Variants in NRK observed in about 807,000 individuals in gnomAD.
The protein encoded by NRK is nik-related protein kinase.
In NRK, 67 loss-of-function variants were observed where a neutral mutation model predicts 125.2. The ratio of observed to expected loss-of-function variants is 0.54; its 90% CI spans 0.44 to 0.66. NRK has a LOEUF of 0.66. Ranked by LOEUF, NRK falls within the 30% of genes least tolerant of loss-of-function variation. NRK has a pLI of 0.00. For missense variants in NRK, 1,224 were observed against 1,192.9 expected (o/e 1.03, Z -0.38); for synonymous variants, 458 against 429.0 (o/e 1.07, Z -0.84).
chrX:105,947,552 T>C (rs940435985), intron 26 of NRK, among the ~76,000 whole-genome samples: 3 of 110,913 alleles, frequency 2.7e-5, no homozygotes, highest in Non-Finnish European at 5.7e-5. Context: ...CATAATGTAA[T>C]ATCCCTCACA....
At chrX:105,861,975 A>C (rs1439771201) in intron 2 of NRK, among the ~76,000 whole-genome samples, 2 of 111,869 alleles carry the variant, frequency 1.8e-5, no homozygotes, top group Non-Finnish European at 3.8e-5. Flanking sequence ...AGACGGGAGA[A>C]TCACTTGAAC....
chrX:105,949,664 C>T lies in NRK; in HGVS notation c.4443C>T (p.Leu1481=). 1 of 1,200,384 alleles carries T rather than the reference C, an allele frequency of 8.3e-7. No individual in the cohort carries two copies. The highest frequency in any genetic ancestry group is 1.8e-5 in the South Asian group (1 of 56,521). ...GMMLTFNAEA[L]SVEANEQLFK... is the part of the protein sequence containing the mutation. Reference sequence around the variant, plus strand: ...TGCTCACCTTCAATGCTGAAGCCCTCTCTGTGGAAGCAAATGAACAACTCT... The same window carrying T: ...TGCTCACCTTCAATGCTGAAGCCCTTTCTGTGGAAGCAAATGAACAACTCT... Residue 1481 remains leucine (L), a synonymous_variant, in exon 27 of 29, where the codon CTC becomes CTT. Coordinates refer to ENST00000243300, the MANE Select transcript of NRK (RefSeq NM_198465.4).
intron 5 of NRK, among the ~76,000 whole-genome samples, chrX:105,888,623 C>G (rs1170328217): frequency 9.0e-6 from 1 of 111,003 alleles, no homozygotes; most frequent in Non-Finnish European, 1.9e-5. Flanking sequence ...ATACCCGAGA[C>G]TAGGTAATTT....
At chrX:105,891,402 T>A (rs769482981) in intron 5 of NRK, among the ~76,000 whole-genome samples, 61 of 112,340 alleles carry the variant, frequency 5.4e-4, no homozygotes, top group African/African-American at 2.0e-3. Flanking sequence ...TAGTATACAC[T>A]TGAATCTCTA....
chrX:105,918,120 C>T (rs1410158283), intron 16 of NRK, among the ~76,000 whole-genome samples: 1 of 111,102 alleles, frequency 9.0e-6, no homozygotes, highest in Non-Finnish European at 1.9e-5. Flanking sequence ...TGATAAATAT[C>T]CCTAAATGTT....
Position 105,956,878 on chromosome X carries a change from T to C in NRK, c.*1278T>C, listed in dbSNP as rs2147809647. The C allele has an allele frequency of 8.9e-6, 1 of 111,782 alleles. No individual in the cohort carries two copies. Among genetic ancestry groups the C allele is most frequent in the East Asian group, 2.8e-4 (1 of 3,542 alleles). The allele number at this position is 111,782 out of a possible 1,213,427, so 9.2% of individuals were successfully genotyped here. A position where few individuals can be genotyped will look rare whatever the true frequency, so the allele number is the denominator to read the frequency against. ...TTCTGCATATCCATCCTCAATACCA[T>C]GGTAAATTCTGGGGCAATAGAGAAG... On this transcript the variant is annotated 3_prime_UTR_variant, in exon 29 of 29. Transcript: ENST00000243300.
intron 3 of NRK, among the ~76,000 whole-genome samples, chrX:105,880,712 A>G (rs893552270): frequency 9.0e-6 from 1 of 111,254 alleles, no homozygotes; most frequent in Non-Finnish European, 1.9e-5. Flanking sequence ...AGAAATGCAC[A>G]TTTTTCATGT....
intron 2 of NRK, among the ~76,000 whole-genome samples, chrX:105,849,037 C>T (rs1414982649): frequency 1.8e-5 from 2 of 111,707 alleles, no homozygotes; most frequent in African/African-American, 6.5e-5. Flanking sequence ...TGTATTGTGC[C>T]TTATGCGGCC....
chrX:105,881,572 A>C lies in NRK; in HGVS notation c.181-136A>C, dbSNP rs190481919. On this transcript the variant is annotated intron_variant, in intron 3 of 28. Transcript: ENST00000243300. ...TAAGAATTTGGTTTTTTAAATTAAA[A>C]CTATTGGAGAAAATTGAGAGAGGAA... 785 of 379,384 alleles carry C rather than the reference A, an allele frequency of 2.1e-3. 6 individuals are homozygous for C. In the Middle Eastern group the frequency reaches 0.034, roughly 16 times the overall value. The allele number at this position is 379,384 out of a possible 1,213,427, so 31.3% of individuals were successfully genotyped here.
chrX:105,914,193 A>G (rs898972618), intron 14 of NRK, among the ~76,000 whole-genome samples: 1 of 110,769 alleles, frequency 9.0e-6, no homozygotes, highest in African/African-American at 3.3e-5. Flanking sequence ...TCTTTTATGG[A>G]CAACTCTCAT....
chrX:105,950,691 G>A (rs998949268), intron 27 of NRK, among the ~76,000 whole-genome samples: 1 of 109,550 alleles, frequency 9.1e-6, no homozygotes, highest in African/African-American at 3.3e-5. Context: ...TAGGTTAAGT[G>A]GCAGATGTAG....
chrX:105,880,272 C>T lies in NRK; in HGVS notation c.180+17C>T. The T allele has an allele frequency of 2.3e-6, 2 of 878,775 alleles. No homozygotes were observed. The highest frequency in any genetic ancestry group is 3.1e-6 in the Non-Finnish European group (2 of 642,282). The allele number at this position is 878,775 out of a possible 1,213,427, so 72.4% of individuals were successfully genotyped here. A position where few individuals can be genotyped will look rare whatever the true frequency, so the allele number is the denominator to read the frequency against. ...GCTCGTAAGGTAATATTATAAATTGCCTGTATTCTCTTCCCTTAGTGGACT... is the reference window on the plus strand; with the variant it reads ...GCTCGTAAGGTAATATTATAAATTGTCTGTATTCTCTTCCCTTAGTGGACT... On this transcript the variant is annotated intron_variant, in intron 3 of 28. Coordinates refer to ENST00000243300, the MANE Select transcript of NRK (RefSeq NM_198465.4).
chrX:105,890,052 AC>A (rs2147720719), intron 5 of NRK, among the ~76,000 whole-genome samples: 1 of 111,531 alleles, frequency 9.0e-6, no homozygotes, highest in African/African-American at 3.3e-5. Flanking sequence ...AATTTTCCAA[AC>A]TTTTATGCTC....
chrX:105,924,737 T>C lies in NRK; in HGVS notation c.3018T>C (p.Tyr1006=), dbSNP rs1293960990. ...ATGGAAGCTGCAAGCAAGATGGTTA[T>C]GATGGAAGTCGTGGAAAAGAGGAAG... ...GRDGSCKQDG[Y]DGSRGKEEAY... is the part of the protein sequence containing the mutation. The change falls in exon 19 of 29, where the codon TAT becomes TAC. Residue 1006 remains tyrosine (Y), a synonymous_variant. Coordinates refer to ENST00000243300, the MANE Select transcript of NRK (RefSeq NM_198465.4). The C allele has an allele frequency of 8.3e-7, 1 of 1,200,780 alleles. No individual in the cohort carries two copies. Among genetic ancestry groups the C allele is most frequent in the African/African-American group, 1.8e-5 (1 of 57,057 alleles).
intron 27 of NRK, among the ~76,000 whole-genome samples, chrX:105,952,516 G>T (rs1162351808): frequency 5.3e-5 from 6 of 112,201 alleles, no homozygotes; most frequent in Admixed American, 2.8e-4. Flanking sequence ...CTTTGGTTCT[G>T]CTTACAACAT....
At chrX:105,938,755 G>A (rs1239928069) in intron 22 of NRK, among the ~76,000 whole-genome samples, 2 of 111,730 alleles carry the variant, frequency 1.8e-5, no homozygotes, top group African/African-American at 6.5e-5. Context: ...TAGCGGTAGT[G>A]TTTTAGTCCA....
At chrX:105,830,171 G>A (rs1040482870) in intron 1 of NRK, among the ~76,000 whole-genome samples, 6 of 107,062 alleles carry the variant, frequency 5.6e-5, no homozygotes, top group South Asian at 8.4e-4. Context: ...AAGAAACCCC[G>A]TCTCTGCTAA....
intron 2 of NRK, among the ~76,000 whole-genome samples, chrX:105,871,083 T>A (rs2039740732): frequency 8.9e-6 from 1 of 111,765 alleles, no homozygotes; most frequent in East Asian, 2.9e-4. Context: ...TGCAAGTATT[T>A]AGTGAAGATT....
At chrX:105,825,260 T>C (rs1356632381) in intron 1 of NRK, among the ~76,000 whole-genome samples, 1 of 112,282 alleles carries the variant, frequency 8.9e-6, no homozygotes, top group African/African-American at 3.2e-5. Flanking sequence ...AAAGTAGAGT[T>C]GATAAAGCAA....
Sources: allele counts gnomAD v4.1 joint callset (sites outside exome capture counted in the v4.1 genomes callset), GRCh38; gene constraint gnomAD v4.1.1; transcripts MANE v1.5; gene names NCBI Gene and HGNC (gene_info 2026-07-23, HGNC 2026-07-21).